The following CLMP variants were observed in gnomAD, a reference collection of about 807,000 sequenced individuals.
The protein encoded by CLMP is CXADR like cell adhesion molecule, also known as CXADR-like membrane protein.
In CLMP, 27 loss-of-function variants were observed where a neutral mutation model predicts 45.2. The ratio of observed to expected loss-of-function variants is 0.60; its 90% CI spans 0.44 to 0.82. The LOEUF is 0.82. CLMP is among the 40% of genes least tolerant of loss of function. The probability of loss-of-function intolerance (pLI) is 0.00; values close to 1 mark genes in which losing one functional copy is unlikely to be tolerated. For missense variants in CLMP, 403 were observed against 448.4 expected (o/e 0.90, Z 0.91); for synonymous variants, 167 against 171.4 (o/e 0.97, Z 0.20).
intron 1 of CLMP, among the ~76,000 whole-genome samples, chr11:123,113,102 T>C (rs1336382917): frequency 1.3e-5 from 2 of 152,174 alleles, no homozygotes; most frequent in Non-Finnish European, 2.9e-5. Context: ...TTGTATATCA[T>C]AACATATTCA....
intron 1 of CLMP, among the ~76,000 whole-genome samples, chr11:123,170,502 C>T (rs1007597180): frequency 6.0e-5 from 9 of 149,974 alleles, no homozygotes; most frequent in South Asian, 2.1e-4. Context: ...TGAGGTGGCA[C>T]GATCTTGGCT....
chr11:123,137,135 TTTTTTC>T (rs1241880207), intron 1 of CLMP, among the ~76,000 whole-genome samples: 4 of 138,784 alleles, frequency 2.9e-5, no homozygotes, highest in South Asian at 2.3e-4. Context: ...ACCTTTCTCT[TTTTTTC>T]TTTTTCTTTT....
In CLMP at chr11:123,158,532, T is replaced by C. The variant is rs185462084; in HGVS notation, c.28+36381A>G. ...ACCTGCCCTCCTCTATGGGCCTCACTGTCTCCCCCTTTAAAAGGGCACTGC... is the reference window on the plus strand; with the variant it reads ...ACCTGCCCTCCTCTATGGGCCTCACCGTCTCCCCCTTTAAAAGGGCACTGC... On this transcript the variant is annotated intron_variant, in intron 1 of 6. Transcript: ENST00000448775. Among the ~76,000 whole-genome samples, 357 of 152,320 alleles carry C rather than the reference T, an allele frequency of 2.3e-3. 2 individuals are homozygous for C. The highest frequency in any genetic ancestry group is 0.02 in the Admixed American group (306 of 15,300).
rs555257382 is a variant in CLMP at position 123,109,451 on chromosome 11, C to A, written c.29-11499G>T. 9.9e-5 allele frequency among the ~76,000 whole-genome samples: 15 copies of A among 152,240 alleles called. No individual in the cohort carries two copies. In the South Asian group the frequency reaches 3.1e-3, roughly 32 times the overall value. ...TGACCACACAGCTAAGGCCACACTGCCGATATTCCATCACTAGTTTTTATT... is the reference window on the plus strand; with the variant it reads ...TGACCACACAGCTAAGGCCACACTGACGATATTCCATCACTAGTTTTTATT... On this transcript the variant is annotated intron_variant, in intron 1 of 6. Transcript: ENST00000448775.
chr11:123,150,334 C>T lies in CLMP; in HGVS notation c.28+44579G>A, dbSNP rs558936620. On this transcript the variant is annotated intron_variant, in intron 1 of 6. Transcript: ENST00000448775. ...TACTGGGAGTTCCAAGGAAGATCTT[C>T]CATGGTCAGAAAGGTGTGGGGGTTT... Among the ~76,000 whole-genome samples the T allele has an allele frequency of 2.1e-4, 31 of 149,030 alleles. No individual in the cohort carries two copies. In the South Asian group the frequency reaches 6.4e-3, roughly 31 times the overall value.
intron 2 of CLMP, among the ~76,000 whole-genome samples, chr11:123,087,330 T>C (rs1865876964): frequency 6.7e-6 from 1 of 150,200 alleles, no homozygotes; most frequent in South Asian, 2.1e-4. Flanking sequence ...AGAGCGAAAC[T>C]CCGTCTCAAA....
intron 1 of CLMP, among the ~76,000 whole-genome samples, chr11:123,169,997 C>T (rs912027908): frequency 3.9e-5 from 6 of 152,132 alleles, no homozygotes; most frequent in Non-Finnish European, 5.9e-5. Flanking sequence ...TCTCCAGGTA[C>T]GGCTTCAGAG....
chr11:123,192,384 A>G lies in CLMP; in HGVS notation c.28+2529T>C, dbSNP rs118132963. Reference sequence around the variant, plus strand: ...TGCCCATTGTACAGACAAGGGAGTCAGAATAAGAACCAGAGAGGTTGCCAG... The same window carrying G: ...TGCCCATTGTACAGACAAGGGAGTCGGAATAAGAACCAGAGAGGTTGCCAG... On this transcript the variant is annotated intron_variant, in intron 1 of 6. Coordinates refer to ENST00000448775, the MANE Select transcript of CLMP (RefSeq NM_024769.5). 6.1e-3 allele frequency among the ~76,000 whole-genome samples: 924 copies of G among 152,344 alleles called. 5 individuals carry two copies. The highest frequency in any genetic ancestry group is 0.014 in the South Asian group (70 of 4,828).
At position 123,084,217 on chromosome 11, in the gene CLMP, CAG is replaced by C. The variant is rs1237374633; in HGVS notation, c.388+293_388+294del. On this transcript the variant is annotated intron_variant, in intron 3 of 6. Coordinates refer to ENST00000448775, the MANE Select transcript of CLMP (RefSeq NM_024769.5). Reference sequence around the variant, plus strand: ...CTTGGTAGCTCTTGCTGTCAAAAAACAGAAATGAATTTGAATCATATCTGAGA... The same window carrying C: ...CTTGGTAGCTCTTGCTGTCAAAAAACAAATGAATTTGAATCATATCTGAGA... Among the ~76,000 whole-genome samples the C allele has an allele frequency of 2.6e-5, 4 of 152,272 alleles. No individual in the cohort carries two copies. In the East Asian group the frequency reaches 7.7e-4, roughly 29 times the overall value.
chr11:123,150,521 A>G (rs537015980), intron 1 of CLMP, among the ~76,000 whole-genome samples: 32 of 128,590 alleles, frequency 2.5e-4, no homozygotes, highest in African/African-American at 9.2e-4. Context: ...GGAAGGAAGG[A>G]AGGAAGGAAA....
In CLMP at chr11:123,085,754, G is replaced by A. The variant is rs192713248; in HGVS notation, c.187-1041C>T. Among the ~76,000 whole-genome samples, 232 of 149,256 alleles carry A rather than the reference G, an allele frequency of 1.6e-3. 1 individual carries two copies. Among genetic ancestry groups the A allele is most frequent in the African/African-American group, 5.5e-3 (224 of 40,402 alleles). On this transcript the variant is annotated intron_variant, in intron 2 of 6. Transcript: ENST00000448775. ...TTCCTTTGCCCTATTTCACTAAGCC[G>A]AACTAATTTTTTATGTTTTTTTTTT... is the stretch of plus-strand genomic sequence containing the variant.
intron 1 of CLMP, among the ~76,000 whole-genome samples, chr11:123,179,025 A>G (rs1861733868): frequency 1.3e-5 from 2 of 152,160 alleles, no homozygotes; most frequent in Non-Finnish European, 2.9e-5. Context: ...GCCTCAAGCA[A>G]TCCTCCTGCC....
At chr11:123,124,930 T>C (rs1860867206) in intron 1 of CLMP, among the ~76,000 whole-genome samples, 1 of 152,194 alleles carries the variant, frequency 6.6e-6, no homozygotes, top group Non-Finnish European at 1.5e-5. Context: ...AGGGTCTGGC[T>C]CTGTCACCCA....
rs373926952 is a variant in CLMP, at chr11:123,126,471, C to A, written c.29-28519G>T. On this transcript the variant is annotated intron_variant, in intron 1 of 6. Transcript: ENST00000448775. The stretch of plus-strand genomic sequence containing the variant: ...CGGGAGTCTCAGTGTGTTGCTCAGG[C>A]TGGTCTTGAACTCCTGGACTCAAGA... 6.8e-4 allele frequency among the ~76,000 whole-genome samples: 104 copies of A among 152,232 alleles called. 1 individual carries two copies. The highest frequency in any genetic ancestry group is 2.4e-3 in the African/African-American group (99 of 41,542).
intron 1 of CLMP, among the ~76,000 whole-genome samples, chr11:123,170,250 G>T (rs1159136520): frequency 6.6e-6 from 1 of 152,122 alleles, no homozygotes; most frequent in African/African-American, 2.4e-5. Context: ...AGGTTGGAAA[G>T]CAGGCCACAT....
At chr11:123,181,555 C>A (rs1344984594) in intron 1 of CLMP, among the ~76,000 whole-genome samples, 2 of 152,210 alleles carry the variant, frequency 1.3e-5, no homozygotes, top group Admixed American at 6.5e-5. Flanking sequence ...TTCCGTCCTA[C>A]TTTGTTCCCC....
intron 5 of CLMP, among the ~76,000 whole-genome samples, chr11:123,082,021 G>A (rs1000794902): frequency 2.0e-4 from 30 of 152,152 alleles, no homozygotes; most frequent in African/African-American, 7.0e-4. Context: ...GCTCTTAGTC[G>A]CCTACTACTG....
Position 123,074,743 on chromosome 11 carries a change from G to A in CLMP, c.780C>T (p.Asp260=). 6.2e-7 allele frequency: 1 copy of A among 1,614,060 alleles called. No individual in the cohort carries two copies. The highest frequency in any genetic ancestry group is 8.5e-7 in the Non-Finnish European group (1 of 1,179,994). Residue 260 remains aspartate (D), a synonymous_variant, in exon 6 of 7, where the codon GAC becomes GAT. Transcript: ENST00000448775. ...LLVWLLIRRK[D]KERYEEEERP... ...TCTCTTCTTCCTCATATCTTTCTTT[G>A]TCTTTCCTTCGGATTAGCAGCCACA...
At chr11:123,142,307 GTTTGACC>G (rs1166422821) in intron 1 of CLMP, among the ~76,000 whole-genome samples, 1 of 151,860 alleles carries the variant, frequency 6.6e-6, no homozygotes, top group Non-Finnish European at 1.5e-5. Context: ...AATTCCTTAA[GTTTGACC>G]TTGATTCTAC....
Sources: allele counts gnomAD v4.1 joint callset (sites outside exome capture counted in the v4.1 genomes callset), GRCh38; gene constraint gnomAD v4.1.1; transcripts MANE v1.5; gene names NCBI Gene and HGNC (gene_info 2026-07-23, HGNC 2026-07-21).